HEMK2: variants seen among roughly 807,000 people sequenced by gnomAD.
The protein encoded by HEMK2 is methyltransferase HEMK2.
At chr21:28,723,219 T>C in the HEMK2 span, among the ~76,000 whole-genome samples, 2 of 152,146 alleles carry the variant, frequency 1.3e-5, no homozygotes, top group African/African-American at 2.4e-5. Flanking sequence ...TCTTGTTATG[T>C]TGCCTGGGCT....
the HEMK2 span, among the ~76,000 whole-genome samples, chr21:28,682,244 T>C: frequency 1.3e-5 from 2 of 152,060 alleles, no homozygotes; most frequent in Non-Finnish European, 2.9e-5. Context: ...GGGTGAAGGA[T>C]ATGAACAGAC....
At chr21:28,790,750 G>A in the HEMK2 span, among the ~76,000 whole-genome samples, 1 of 147,782 alleles carries the variant, frequency 6.8e-6, no homozygotes, top group African/African-American at 2.5e-5. Context: ...TATTGCATAT[G>A]TGTGTATTCT....
the HEMK2 span, among the ~76,000 whole-genome samples, chr21:28,694,847 A>C: frequency 3.3e-5 from 5 of 152,102 alleles, no homozygotes; most frequent in African/African-American, 7.2e-5. Context: ...AAATACAAAA[A>C]ATTAGCCGGG....
the HEMK2 span, among the ~76,000 whole-genome samples, chr21:28,579,968 A>G: frequency 1.3e-5 from 2 of 152,252 alleles, no homozygotes; most frequent in Non-Finnish European, 2.9e-5. Flanking sequence ...AAAGCATAAA[A>G]GAAGAGAGGC....
the HEMK2 span, among the ~76,000 whole-genome samples, chr21:28,810,404 A>G: frequency 7.2e-5 from 11 of 152,330 alleles, no homozygotes; most frequent in African/African-American, 2.4e-4. Context: ...AAGGGCATGA[A>G]TTTAAAGAAA....
the HEMK2 span, among the ~76,000 whole-genome samples, chr21:28,798,164 C>T: frequency 2.0e-5 from 3 of 152,140 alleles, no homozygotes; most frequent in Non-Finnish European, 2.9e-5. Flanking sequence ...TCTCTGCACA[C>T]GGAGTATAGA....
chr21:28,879,870 C>A, the HEMK2 span: 2 of 1,557,572 alleles, frequency 1.3e-6, no homozygotes, highest in South Asian at 1.3e-5. Flanking sequence ...TATGTTTTAC[C>A]TCTTGAGGTG....
the HEMK2 span, among the ~76,000 whole-genome samples, chr21:28,859,502 G>A: frequency 6.6e-6 from 1 of 152,172 alleles, no homozygotes; most frequent in Non-Finnish European, 1.5e-5. Context: ...AGTCAAAGAA[G>A]TCTTTTAACC....
chr21:28,669,213 G>T, the HEMK2 span, among the ~76,000 whole-genome samples: 8 of 152,078 alleles, frequency 5.3e-5, no homozygotes, highest in Non-Finnish European at 1.5e-5. Flanking sequence ...ACAAAAATTA[G>T]CCAGATGTGG....
At chr21:28,838,972 A>AAAAAAT in the HEMK2 span, among the ~76,000 whole-genome samples, 5 of 29,156 alleles carry the variant, frequency 1.7e-4, no homozygotes, top group Non-Finnish European at 2.2e-4. Context: ...AAAAAAAAAA[A>AAAAAAT]ATATATATAT....
the HEMK2 span, among the ~76,000 whole-genome samples, chr21:28,848,505 T>C: frequency 1.3e-5 from 2 of 152,140 alleles, no homozygotes. Flanking sequence ...AATAGAATGA[T>C]AATGAGTGTC....
the HEMK2 span, among the ~76,000 whole-genome samples, chr21:28,743,970 C>T: frequency 1.3e-5 from 2 of 152,100 alleles, no homozygotes; most frequent in Non-Finnish European, 2.9e-5. Flanking sequence ...AGGCTGTTAT[C>T]CTCAGCAAAC....
the HEMK2 span, among the ~76,000 whole-genome samples, chr21:28,841,253 AT>A: frequency 5.7e-4 from 3 of 5,228 alleles, no homozygotes; most frequent in Non-Finnish European, 7.8e-4. Flanking sequence ...TATATAATAT[AT>A]TATATATAAT....
the HEMK2 span, among the ~76,000 whole-genome samples, chr21:28,626,263 T>C: frequency 2.0e-4 from 30 of 152,202 alleles, no homozygotes; most frequent in African/African-American, 6.3e-4. Context: ...AGTGTAGTTA[T>C]AGTAAGTGTA....
chr21:28,802,978 T>A, the HEMK2 span, among the ~76,000 whole-genome samples: 29 of 152,274 alleles, frequency 1.9e-4, 1 homozygote, highest in African/African-American at 5.5e-4. Flanking sequence ...AGGTCTCTTG[T>A]TATAAACTTT....
At chr21:28,693,124 C>A in the HEMK2 span, among the ~76,000 whole-genome samples, 1 of 152,188 alleles carries the variant, frequency 6.6e-6, no homozygotes, top group African/African-American at 2.4e-5. Flanking sequence ...TTGAAATGTA[C>A]ACTTTAAAAG....
the HEMK2 span, among the ~76,000 whole-genome samples, chr21:28,716,038 C>T: frequency 6.6e-6 from 1 of 152,180 alleles, no homozygotes; most frequent in Non-Finnish European, 1.5e-5. Context: ...GTTTTGGTTA[C>T]CATAGCCTTA....
the HEMK2 span, among the ~76,000 whole-genome samples, chr21:28,692,866 C>T: frequency 0.56 from 84,576 of 151,962 alleles, 26,193 homozygotes; most frequent in East Asian, 0.84. Context: ...ACTTTGAAAA[C>T]ATTATACTAA....
chr21:28,832,092 T>G, the HEMK2 span, among the ~76,000 whole-genome samples: 1 of 152,210 alleles, frequency 6.6e-6, no homozygotes, highest in Non-Finnish European at 1.5e-5. Flanking sequence ...AGCTTTTGAT[T>G]TGCAGTTTTT....
Sources: allele counts gnomAD v4.1 joint callset (sites outside exome capture counted in the v4.1 genomes callset), GRCh38; gene constraint gnomAD v4.1.1; transcripts MANE v1.5; gene names NCBI Gene and HGNC (gene_info 2026-07-23, HGNC 2026-07-21).